The following NOP9 variants were observed in gnomAD, a reference collection of about 807,000 sequenced individuals.
NOP9 encodes nucleolar protein 9.
Under a neutral mutation model 63.0 loss-of-function variants are expected in NOP9, and 50 were observed. That is an observed-to-expected ratio of 0.79 (90% CI 0.63 to 1.00). The LOEUF (loss-of-function observed/expected upper bound fraction) is 1.00, where lower values mean the gene tolerates loss of function less well. Ranked by LOEUF, NOP9 falls within the 50% of genes least tolerant of loss-of-function variation. The pLI is 0.00. For synonymous variants in NOP9, 343 were observed against 332.8 expected (o/e 1.03, Z -0.33); for missense variants, 758 against 803.0 (o/e 0.94, Z 0.68).
At position 24,306,470 on chromosome 14, in the gene NOP9, A is replaced by C; in HGVS notation, c.*1375A>C. ...AGTCCTCACTGTCCACTGCAGTTCC[A>C]TCCTCCTCTAGCACCAGGGTTAGCA... On this transcript the variant is annotated 3_prime_UTR_variant, in exon 10 of 10. Coordinates refer to ENST00000267425, the MANE Select transcript of NOP9 (RefSeq NM_174913.3). 6.2e-7 allele frequency: 1 copy of C among 1,614,190 alleles called. No individual in the cohort carries two copies. The highest frequency in any genetic ancestry group is 8.5e-7 in the Non-Finnish European group (1 of 1,180,024).
Position 24,307,321 on chromosome 14 carries a change from A to C in NOP9, c.*2226A>C. The C allele has an allele frequency of 6.4e-7, 1 of 1,567,636 alleles. No individual in the cohort carries two copies. Among genetic ancestry groups the C allele is most frequent in the Non-Finnish European group, 8.7e-7 (1 of 1,153,488 alleles). ...TCATCACAAGTTGCCACTGTTGTGG[A>C]GCCCCTTGGCTACCCCTGCTATAGG... On this transcript the variant is annotated 3_prime_UTR_variant, in exon 10 of 10. Coordinates refer to ENST00000267425, the MANE Select transcript of NOP9 (RefSeq NM_174913.3).
chr14:24,285,210 C>T, the NOP9 span, among the ~76,000 whole-genome samples: 1 of 152,204 alleles, frequency 6.6e-6, no homozygotes, highest in Non-Finnish European at 1.5e-5. Context: ...ATGTTTGGGT[C>T]CATATCCTTA....
At position 24,305,980 on chromosome 14, in the gene NOP9, TCA is replaced by T; in HGVS notation, c.*888_*889del. The T allele has an allele frequency of 6.2e-7, 1 of 1,614,114 alleles. No individual in the cohort carries two copies. The highest frequency in any genetic ancestry group is 8.5e-7 in the Non-Finnish European group (1 of 1,179,998). On this transcript the variant is annotated 3_prime_UTR_variant, in exon 10 of 10. Transcript: ENST00000267425. Reference sequence around the variant, plus strand: ...TTTCTTTGGGCCAAGTCCTTGAAAGTCACAACTCATAGAGTAGAGCCCGTAGA... The same window carrying T: ...TTTCTTTGGGCCAAGTCCTTGAAAGTCAACTCATAGAGTAGAGCCCGTAGA...
At chr14:24,276,393 T>A in the NOP9 span, among the ~76,000 whole-genome samples, 1,111 of 134,036 alleles carry the variant, frequency 8.3e-3, 14 homozygotes, top group African/African-American at 0.03. Context: ...AAAAAAAAAA[T>A]AGGTGGGACT....
At position 24,307,645 on chromosome 14, in the gene NOP9, G is replaced by C. The variant is rs2041559777; in HGVS notation, c.*2550G>C. On this transcript the variant is annotated 3_prime_UTR_variant, in exon 10 of 10. Transcript: ENST00000267425. ...AGGTTTATCGATTAGGGATGAGGGA[G>C]AGACCATGGAGTGCAGGTGGGGGCG... 2 of 1,138,386 alleles carry C rather than the reference G, an allele frequency of 1.8e-6. No homozygotes were observed. Among genetic ancestry groups the C allele is most frequent in the East Asian group, 5.0e-5 (2 of 39,700 alleles). 70.5% of individuals were successfully genotyped at this position (1,138,386 alleles called of 1,614,324 possible). A position where few individuals can be genotyped will look rare whatever the true frequency, so the allele number is the denominator to read the frequency against.
chr14:24,307,978 G>T lies in NOP9; in HGVS notation c.*2883G>T. Reference sequence around the variant, plus strand: ...TCTCAGCCCAGGACAAGGTGGGAATGAGTCAAGCCTGGACTCTGGCCCCCC... The same window carrying T: ...TCTCAGCCCAGGACAAGGTGGGAATTAGTCAAGCCTGGACTCTGGCCCCCC... On this transcript the variant is annotated 3_prime_UTR_variant, in exon 10 of 10. Transcript: ENST00000267425. 1 of 944,080 alleles carries T rather than the reference G, an allele frequency of 1.1e-6. No individual in the cohort carries two copies. The highest frequency in any genetic ancestry group is 1.7e-6 in the Non-Finnish European group (1 of 599,026). 58.5% of individuals were successfully genotyped at this position (944,080 alleles called of 1,614,324 possible).
Position 24,302,412 on chromosome 14 carries a change from T to C in NOP9, c.1131T>C (p.Thr377=). The C allele has an allele frequency of 6.2e-7, 1 of 1,610,916 alleles. No homozygotes were observed. Among genetic ancestry groups the C allele is most frequent in the Non-Finnish European group, 8.5e-7 (1 of 1,177,748 alleles). The part of the protein sequence containing the change: ...FPLQRLLDAV[T]TPELLSPVFE... The stretch of plus-strand genomic sequence containing the variant: ...TGCAGCGCTTACTGGATGCAGTCAC[T>C]ACCCCTGAGCTGGTGAGTTGGAAAC... The change falls in exon 5 of 10, where the codon ACT becomes ACC. Residue 377 remains threonine (T), a synonymous_variant. Transcript: ENST00000267425.
At chr14:24,281,310 A>G in the NOP9 span, among the ~76,000 whole-genome samples, 5 of 152,194 alleles carry the variant, frequency 3.3e-5, no homozygotes, top group African/African-American at 1.2e-4. Context: ...AGACACTGCC[A>G]TGGCTGGCCC....
rs746422898 is a variant in NOP9 at position 24,305,789 on chromosome 14, A to T, written c.*694A>T. 1.8e-5 allele frequency: 29 copies of T among 1,609,044 alleles called. No individual in the cohort carries two copies. The highest frequency in any genetic ancestry group is 6.8e-5 in the Admixed American group (4 of 59,032). On this transcript the variant is annotated 3_prime_UTR_variant, in exon 10 of 10. Coordinates refer to ENST00000267425, the MANE Select transcript of NOP9 (RefSeq NM_174913.3). ...CCCTGAATGGCAGAGACAAGAGGAA[A>T]TCAGATGATTTGGAAAACTTGGGAG...
At chr14:24,296,682 AG>A, upstream of NOP9, 1 of 1,613,714 alleles carries the variant, frequency 6.2e-7, no homozygotes, top group East Asian at 2.2e-5. Context: ...ATGAAGATGC[AG>A]GGGTCTGAGG....
At chr14:24,303,904 C>G (rs370914104) in intron 7 of NOP9, 47 bp downstream of exon 7, 4 of 1,606,134 alleles carry the variant, frequency 2.5e-6, no homozygotes, top group Non-Finnish European at 3.4e-6. Context: ...GGAGTCAGGC[C>G]TCCCAGGGTT....
the NOP9 span, among the ~76,000 whole-genome samples, chr14:24,287,946 G>C: frequency 1.3e-5 from 2 of 152,332 alleles, no homozygotes; most frequent in Admixed American, 1.3e-4. Flanking sequence ...GTGCTCTCTA[G>C]TGTCAGGCTT....
rs761556378 is a variant in NOP9 at position 24,303,196 on chromosome 14, C to T, written c.1266C>T (p.Val422=). The change falls in exon 6 of 10, where the codon GTC becomes GTT. Residue 422 remains valine, a synonymous_variant. Transcript: ENST00000267425. ...GAGTTGGGGCCTACCAAGCCAAGGT[C>T]CTACAGCTCTTGTTGGAGGTGAGTG... is the stretch of plus-strand genomic sequence containing the variant. ...CRRVGAYQAK[V]LQLLLEAFHC... 4 of 1,613,980 alleles carry T rather than the reference C, an allele frequency of 2.5e-6. No homozygotes were observed. Among genetic ancestry groups the T allele is most frequent in the Non-Finnish European group, 3.4e-6 (4 of 1,180,030 alleles).
the NOP9 span, among the ~76,000 whole-genome samples, chr14:24,289,303 G>A: frequency 6.6e-6 from 1 of 152,096 alleles, no homozygotes; most frequent in Admixed American, 6.6e-5. Context: ...TTAAAAAATT[G>A]TTTTGTAGAG....
At position 24,306,469 on chromosome 14, in the gene NOP9, C is replaced by G; in HGVS notation, c.*1374C>G. 1 of 1,614,240 alleles carries G rather than the reference C, an allele frequency of 6.2e-7. No individual in the cohort carries two copies. The highest frequency in any genetic ancestry group is 8.5e-7 in the Non-Finnish European group (1 of 1,180,042). On this transcript the variant is annotated 3_prime_UTR_variant, in exon 10 of 10. Coordinates refer to ENST00000267425, the MANE Select transcript of NOP9 (RefSeq NM_174913.3). ...AAGTCCTCACTGTCCACTGCAGTTCCATCCTCCTCTAGCACCAGGGTTAGC... is the reference window on the plus strand; with the variant it reads ...AAGTCCTCACTGTCCACTGCAGTTCGATCCTCCTCTAGCACCAGGGTTAGC...
Position 24,306,561 on chromosome 14 carries a change from C to T in NOP9, c.*1466C>T. On this transcript the variant is annotated 3_prime_UTR_variant, in exon 10 of 10. Coordinates refer to ENST00000267425, the MANE Select transcript of NOP9 (RefSeq NM_174913.3). ...AAGAAGCAAGAAGGGCAGGTCTTATCCCATGCCCCTTCCCTCTTTAGCTGC... is the reference window on the plus strand; with the variant it reads ...AAGAAGCAAGAAGGGCAGGTCTTATTCCATGCCCCTTCCCTCTTTAGCTGC... 1 of 1,613,166 alleles carries T rather than the reference C, an allele frequency of 6.2e-7. No homozygotes were observed.
chr14:24,292,275 C>A, the NOP9 span: 1 of 1,614,182 alleles, frequency 6.2e-7, no homozygotes, highest in Admixed American at 1.7e-5. Context: ...CAGAGACACA[C>A]AGCTGACCCC....
chr14:24,299,956 TGGGGCAGGGTCCGCGCTCTCCACACAA>T lies in NOP9; in HGVS notation c.5_31del (p.GlyGlnGlyProArgSerProHisLys2_?10). 1 of 1,541,684 alleles carries T rather than the reference TGGGGCAGGGTCCGCGCTCTCCACACAA, an allele frequency of 6.5e-7. No individual in the cohort carries two copies. The highest frequency in any genetic ancestry group is 1.2e-5 in the South Asian group (1 of 82,516). On this transcript the variant is annotated start_lost and inframe_deletion, in exon 1 of 10. Transcript: ENST00000267425. Reference sequence around the variant, plus strand: ...AGCCGGACAGGTCGCGAAGCACACATGGGGCAGGGTCCGCGCTCTCCACACAAGGTGGGGCGCCGGTTCCCAGCTGGT... The same window carrying T: ...AGCCGGACAGGTCGCGAAGCACACATGGTGGGGCGCCGGTTCCCAGCTGGT...
At chr14:24,277,228 G>A in the NOP9 span, among the ~76,000 whole-genome samples, 2 of 152,206 alleles carry the variant, frequency 1.3e-5, no homozygotes, top group African/African-American at 4.8e-5. Context: ...TGGGCGTGGG[G>A]AGGGATGGTT....
Sources: allele counts gnomAD v4.1 joint callset (sites outside exome capture counted in the v4.1 genomes callset), GRCh38; gene constraint gnomAD v4.1.1; transcripts MANE v1.5; gene names NCBI Gene and HGNC (gene_info 2026-07-23, HGNC 2026-07-21).